NTRK2: variants seen among roughly 807,000 people sequenced by gnomAD.
NTRK2 encodes neurotrophic receptor tyrosine kinase 2, also known as BDNF/NT-3 growth factors receptor.
In NTRK2, 13 loss-of-function variants were observed where a neutral mutation model predicts 94.5. That is an observed-to-expected ratio of 0.14 (90% CI 0.09 to 0.22). The LOEUF (loss-of-function observed/expected upper bound fraction) is 0.22, where lower values mean the gene tolerates loss of function less well. Among genes scored for constraint, NTRK2 ranks in the 10% least tolerant of loss-of-function variants. The pLI, the probability that NTRK2 is intolerant of heterozygous loss-of-function variation, is 1.00. For synonymous variants in NTRK2, 372 were observed against 407.4 expected (o/e 0.91, Z 1.05); for missense variants, 639 against 1,071.2 (o/e 0.60, Z 5.63).
chr9:84,675,586 A>G (rs1202225986), intron 2 of NTRK2, among the ~76,000 whole-genome samples: 1 of 151,958 alleles, frequency 6.6e-6, no homozygotes, highest in Non-Finnish European at 1.5e-5. Flanking sequence ...GATGCCTGTA[A>G]TCAATAGGAG....
At chr9:84,996,064 T>G (rs1186876397) in intron 17 of NTRK2, among the ~76,000 whole-genome samples, 1 of 152,222 alleles carries the variant, frequency 6.6e-6, no homozygotes, top group Non-Finnish European at 1.5e-5. Context: ...AAGAGCACTT[T>G]TTATATTGTG....
chr9:84,914,960 G>A (rs555725841), intron 14 of NTRK2, among the ~76,000 whole-genome samples: 34 of 152,272 alleles, frequency 2.2e-4, no homozygotes, highest in Middle Eastern at 3.4e-3. Context: ...TCCACACACC[G>A]GGAATGAGGA....
chr9:84,940,376 A>C (rs558365760), intron 15 of NTRK2, among the ~76,000 whole-genome samples: 1 of 152,290 alleles, frequency 6.6e-6, no homozygotes, highest in South Asian at 2.1e-4. Flanking sequence ...GGCAGGAGAC[A>C]TCAGGGAATC....
At chr9:84,965,167 T>C (rs1825408920) in intron 17 of NTRK2, among the ~76,000 whole-genome samples, 1 of 152,128 alleles carries the variant, frequency 6.6e-6, no homozygotes, top group South Asian at 2.1e-4. Context: ...TGAAAAAAAA[T>C]GTGTAGGCAG....
rs1388525766 is a variant in NTRK2 at position 85,024,455 on chromosome 9, ATG to A, written c.*3024_*3025del. ...TTGAATAGTTTTCCAAACACTTTCC[ATG>A]TGTGTTAGCAAATTATTCCTATTTT... On this transcript the variant is annotated 3_prime_UTR_variant, in exon 19 of 19. Transcript: ENST00000277120. 1 of 232,896 alleles carries A rather than the reference ATG, an allele frequency of 4.3e-6. No homozygotes were observed. Among genetic ancestry groups the A allele is most frequent in the Non-Finnish European group, 8.5e-6 (1 of 117,890 alleles). 14.4% of individuals were successfully genotyped at this position (232,896 alleles called of 1,614,324 possible).
chr9:84,833,092 T>TTGGTGG (rs925823939), intron 12 of NTRK2, among the ~76,000 whole-genome samples: 5 of 125,140 alleles, frequency 4.0e-5, no homozygotes, highest in Non-Finnish European at 6.6e-5. Context: ...TTGGGCCTCA[T>TTGGTGG]TGGTGGTGGT....
chr9:84,891,875 A>G (rs563874192), intron 14 of NTRK2, among the ~76,000 whole-genome samples: 1 of 152,156 alleles, frequency 6.6e-6, no homozygotes, highest in African/African-American at 2.4e-5. Flanking sequence ...CTCAGCTAAT[A>G]TAGTCTGCTT....
intron 15 of NTRK2, among the ~76,000 whole-genome samples, chr9:84,940,400 C>T (rs991694834): frequency 6.6e-6 from 1 of 152,130 alleles, no homozygotes; most frequent in Admixed American, 6.5e-5. Flanking sequence ...TTGGGACTCC[C>T]CTGCTTAGTG....
intron 17 of NTRK2, among the ~76,000 whole-genome samples, chr9:85,008,202 C>T (rs1831178734): frequency 6.6e-6 from 1 of 151,844 alleles, no homozygotes; most frequent in African/African-American, 2.4e-5. Context: ...AGTGCTGGGA[C>T]TATCACAAGC....
chr9:84,789,256 C>T (rs1322252136), intron 12 of NTRK2, among the ~76,000 whole-genome samples: 1 of 152,112 alleles, frequency 6.6e-6, no homozygotes, highest in Non-Finnish European at 1.5e-5. Context: ...GATGATAACA[C>T]CACAGATTGG....
At chr9:84,757,601 C>T (rs894397995) in intron 12 of NTRK2, among the ~76,000 whole-genome samples, 16 of 152,148 alleles carry the variant, frequency 1.1e-4, no homozygotes, top group African/African-American at 3.4e-4. Context: ...TCGGTATTTC[C>T]GTCTGTAATG....
chr9:84,854,464 C>G (rs2074958191), intron 12 of NTRK2, among the ~76,000 whole-genome samples: 1 of 151,916 alleles, frequency 6.6e-6, no homozygotes, highest in African/African-American at 2.4e-5. Flanking sequence ...GGCTCAAATT[C>G]TAGAAAAGGA....
At chr9:84,891,207 G>A (rs1237226215) in intron 14 of NTRK2, among the ~76,000 whole-genome samples, 5 of 151,942 alleles carry the variant, frequency 3.3e-5, no homozygotes, top group Admixed American at 6.6e-5. Flanking sequence ...GCTTCTTCAC[G>A]TCATGGAGGA....
chr9:84,741,866 A>C lies in NTRK2; in HGVS notation c.1160-26A>C, dbSNP rs74982458. The C allele has an allele frequency of 3.4e-3, 5,490 of 1,607,920 alleles. 178 individuals carry two copies. In the African/African-American group the frequency reaches 0.065, roughly 19 times the overall value. Reference sequence around the variant, plus strand: ...TTTGACTCCAAAATGCATACTTACAAATCTTTGCTCTGTTTTGCCTTTTAG... The same window carrying C: ...TTTGACTCCAAAATGCATACTTACACATCTTTGCTCTGTTTTGCCTTTTAG... On this transcript the variant is annotated intron_variant, in intron 9 of 18. Coordinates refer to ENST00000277120, the MANE Select transcript of NTRK2 (RefSeq NM_006180.6).
At chr9:84,931,888 T>G (rs2078049553) in intron 14 of NTRK2, among the ~76,000 whole-genome samples, 1 of 152,158 alleles carries the variant, frequency 6.6e-6, no homozygotes, top group Non-Finnish European at 1.5e-5. Context: ...TTTGTGTCTT[T>G]ATATGGGCAC....
At chr9:84,882,717 T>TGCGCGCGCGCGC (rs1010534010) in intron 14 of NTRK2, among the ~76,000 whole-genome samples, 23 of 143,944 alleles carry the variant, frequency 1.6e-4, no homozygotes, top group Admixed American at 2.8e-4. Context: ...TGTGTGTGTG[T>TGCGCGCGCGCGC]GTGCGCGCGC....
Position 85,017,464 on chromosome 9 carries a change from G to T in NTRK2, c.2173-2742G>T, listed in dbSNP as rs535128561. Among the ~76,000 whole-genome samples, 172 of 152,292 alleles carry T rather than the reference G, an allele frequency of 1.1e-3. No individual in the cohort carries two copies. The Middle Eastern group carries it at 0.014, about 12-fold the overall frequency. ...AGCTGTGAATATCCAGGTAGATATGGAAATCCTGAGATCTTGCTAGATTAA... is the reference window on the plus strand; with the variant it reads ...AGCTGTGAATATCCAGGTAGATATGTAAATCCTGAGATCTTGCTAGATTAA... On this transcript the variant is annotated intron_variant, in intron 17 of 18. Coordinates refer to ENST00000277120, the MANE Select transcript of NTRK2 (RefSeq NM_006180.6).
At chr9:84,953,959 G>C (rs1823786798) in intron 16 of NTRK2, among the ~76,000 whole-genome samples, 1 of 152,200 alleles carries the variant, frequency 6.6e-6, no homozygotes, top group East Asian at 1.9e-4. Context: ...GCTGGAGCCG[G>C]GATGGAAGTG....
chr9:84,829,253 C>T (rs1405333293), intron 12 of NTRK2, among the ~76,000 whole-genome samples: 1 of 152,168 alleles, frequency 6.6e-6, no homozygotes, highest in Non-Finnish European at 1.5e-5. Context: ...CCTGCCTTGG[C>T]CTCCCAAAAT....
Sources: allele counts gnomAD v4.1 joint callset (sites outside exome capture counted in the v4.1 genomes callset), GRCh38; gene constraint gnomAD v4.1.1; transcripts MANE v1.5; gene names NCBI Gene and HGNC (gene_info 2026-07-23, HGNC 2026-07-21).